IMMP2L: variants seen among roughly 807,000 people sequenced by gnomAD.
The protein encoded by IMMP2L is inner mitochondrial membrane peptidase subunit 2, also known as mitochondrial inner membrane protease subunit 2.
Under a neutral mutation model 19.3 loss-of-function variants are expected in IMMP2L, and 18 were observed. The ratio of observed to expected loss-of-function variants is 0.93; its 90% CI spans 0.64 to 1.38. The LOEUF (loss-of-function observed/expected upper bound fraction) is 1.38. Ranked by LOEUF, IMMP2L falls within the 40% of genes most tolerant of loss-of-function variation. The pLI is 0.00. For synonymous variants in IMMP2L, 76 were observed against 73.0 expected (o/e 1.04, Z -0.21); for missense variants, 233 against 218.2 (o/e 1.07, Z -0.43).
In IMMP2L at chr7:110,691,965, C is replaced by T. The variant is rs138231643; in HGVS notation, c.409-28244G>A. On this transcript the variant is annotated intron_variant, in intron 5 of 5. Transcript: ENST00000405709. ...GCAGCCCCATTACTGGGTATCTATT[C>T]GAAGGAAAAGAAGTCATTATATCAA... Among the ~76,000 whole-genome samples, 999 of 152,170 alleles carry T rather than the reference C, an allele frequency of 6.6e-3. 5 individuals carry two copies. The highest frequency in any genetic ancestry group is 0.01 in the Middle Eastern group (3 of 294).
At chr7:110,915,468 G>T (rs1171274918) in intron 4 of IMMP2L, among the ~76,000 whole-genome samples, 2 of 152,082 alleles carry the variant, frequency 1.3e-5, no homozygotes, top group Non-Finnish European at 2.9e-5. Context: ...GAGGGTGGGG[G>T]AAATGGGGAG....
chr7:110,984,706 C>T (rs952531717), intron 3 of IMMP2L, among the ~76,000 whole-genome samples: 11 of 152,084 alleles, frequency 7.2e-5, no homozygotes, highest in African/African-American at 2.6e-4. Context: ...TTAGTCGGGG[C>T]TTAACCTAAT....
chr7:110,910,090 A>C (rs1812893296), intron 4 of IMMP2L, among the ~76,000 whole-genome samples: 1 of 152,174 alleles, frequency 6.6e-6, no homozygotes, highest in Non-Finnish European at 1.5e-5. Flanking sequence ...ATGATAGGCC[A>C]TTTCAGAGTA....
intron 3 of IMMP2L, among the ~76,000 whole-genome samples, chr7:111,363,464 T>G (rs1829446990): frequency 6.6e-6 from 1 of 152,140 alleles, no homozygotes; most frequent in Non-Finnish European, 1.5e-5. Flanking sequence ...TCCTCCTTTT[T>G]GATCATAATA....
intron 3 of IMMP2L, among the ~76,000 whole-genome samples, chr7:111,390,248 C>G (rs1162385392): frequency 6.6e-6 from 1 of 152,128 alleles, no homozygotes; most frequent in Non-Finnish European, 1.5e-5. Flanking sequence ...GAAGGCCACA[C>G]TGTCTGAGGG....
At chr7:110,978,258 T>C (rs573949881) in intron 3 of IMMP2L, among the ~76,000 whole-genome samples, 59 of 152,172 alleles carry the variant, frequency 3.9e-4, no homozygotes, top group African/African-American at 1.4e-3. Flanking sequence ...TGTTAGTATA[T>C]TTGTAGGCTT....
At chr7:110,892,529 C>A (rs1171361438) in intron 4 of IMMP2L, among the ~76,000 whole-genome samples, 1 of 152,120 alleles carries the variant, frequency 6.6e-6, no homozygotes, top group African/African-American at 2.4e-5. Flanking sequence ...TTGTCAGTCA[C>A]TTTTCAGTCA....
chr7:110,788,537 C>T (rs1334389675), intron 5 of IMMP2L, among the ~76,000 whole-genome samples: 1 of 151,748 alleles, frequency 6.6e-6, no homozygotes, highest in Admixed American at 6.6e-5. Flanking sequence ...TATACTCACT[C>T]TGCCTCATCC....
At chr7:110,786,820 T>C (rs900906552) in intron 5 of IMMP2L, among the ~76,000 whole-genome samples, 1 of 152,004 alleles carries the variant, frequency 6.6e-6, no homozygotes, top group Non-Finnish European at 1.5e-5. Context: ...AAAGGGCATG[T>C]TGGGAATTAA....
chr7:111,038,505 A>G (rs1172759190), intron 3 of IMMP2L, among the ~76,000 whole-genome samples: 1 of 152,160 alleles, frequency 6.6e-6, no homozygotes, highest in Non-Finnish European at 1.5e-5. Flanking sequence ...CACTAAAATC[A>G]ACTATGATCC....
chr7:111,409,000 A>AT (rs1448366888), intron 3 of IMMP2L, among the ~76,000 whole-genome samples: 2 of 151,798 alleles, frequency 1.3e-5, no homozygotes, highest in Non-Finnish European at 1.5e-5. Context: ...AAAAATGGTG[A>AT]TAAAAAGTAC....
intron 3 of IMMP2L, among the ~76,000 whole-genome samples, chr7:111,302,845 G>C (rs10245345): frequency 0.016 from 2,425 of 152,156 alleles, 88 homozygotes; most frequent in African/African-American, 0.055. Flanking sequence ...ACCTGAAAGA[G>C]AGTTTTCTTA....
intron 3 of IMMP2L, among the ~76,000 whole-genome samples, chr7:111,292,469 AG>A (rs1821216896): frequency 6.6e-6 from 1 of 152,026 alleles, no homozygotes; most frequent in African/African-American, 2.4e-5. Context: ...AAATGTACTC[AG>A]TTTACATGTA....
chr7:110,693,423 T>C (rs569295209), intron 5 of IMMP2L, among the ~76,000 whole-genome samples: 2 of 152,348 alleles, frequency 1.3e-5, no homozygotes, highest in South Asian at 2.1e-4. Context: ...CTAGTCTTTA[T>C]AGCACTTTTC....
chr7:111,300,523 T>C (rs1408489583), intron 3 of IMMP2L, among the ~76,000 whole-genome samples: 1 of 152,114 alleles, frequency 6.6e-6, no homozygotes, highest in Non-Finnish European at 1.5e-5. Flanking sequence ...ATCACAACCA[T>C]GATATTAACA....
intron 3 of IMMP2L, among the ~76,000 whole-genome samples, chr7:111,283,896 G>A (rs1159799069): frequency 8.1e-5 from 12 of 148,454 alleles, no homozygotes; most frequent in African/African-American, 1.2e-4. Context: ...GCGTGAACCC[G>A]GGAGGCGGAG....
At chr7:110,769,578 A>C (rs1041586352) in intron 5 of IMMP2L, among the ~76,000 whole-genome samples, 8 of 152,174 alleles carry the variant, frequency 5.3e-5, no homozygotes, top group African/African-American at 1.7e-4. Context: ...AGCAGCTCTC[A>C]TAAGAAGATC....
chr7:111,148,818 G>A (rs1803765693), intron 3 of IMMP2L, among the ~76,000 whole-genome samples: 1 of 151,986 alleles, frequency 6.6e-6, no homozygotes, highest in African/African-American at 2.4e-5. Context: ...ATTGTCAAAT[G>A]ATTATACTTT....
intron 3 of IMMP2L, among the ~76,000 whole-genome samples, chr7:111,267,459 C>T (rs1285451563): frequency 6.6e-6 from 1 of 152,102 alleles, no homozygotes; most frequent in Non-Finnish European, 1.5e-5. Context: ...ATGGGAACTT[C>T]ATGCCATCTG....
Sources: allele counts gnomAD v4.1 joint callset (sites outside exome capture counted in the v4.1 genomes callset), GRCh38; gene constraint gnomAD v4.1.1; transcripts MANE v1.5; gene names NCBI Gene and HGNC (gene_info 2026-07-23, HGNC 2026-07-21).